The following PWWP2B variants were observed in gnomAD, a reference collection of about 807,000 sequenced individuals.
PWWP2B encodes PWWP domain containing 2B.
In PWWP2B, 9 loss-of-function variants were observed where a neutral mutation model predicts 15.5. The observed-to-expected ratio is 0.58, with a 90% CI of 0.35 to 1.02. The LOEUF (loss-of-function observed/expected upper bound fraction) is 1.02, where lower values mean the gene tolerates loss of function less well. Among genes scored for constraint, PWWP2B ranks in the 50% least tolerant of loss-of-function variants. PWWP2B has a pLI of 0.02. For missense variants in PWWP2B, 864 were observed against 865.3 expected (o/e 1.00, Z 0.02); for synonymous variants, 474 against 403.6 (o/e 1.17, Z -2.09).
At chr10:132,416,026 G>C (rs555499128) in intron 2 of PWWP2B, among the ~76,000 whole-genome samples, 16 of 152,232 alleles carry the variant, frequency 1.1e-4, no homozygotes, top group Non-Finnish European at 2.1e-4. Flanking sequence ...GTGCCGCTGG[G>C]CTTCCTCACG....
At chr10:132,406,388 G>A (rs549074822) in intron 2 of PWWP2B, 99 bp downstream of exon 2, 18 of 1,042,204 alleles carry the variant, frequency 1.7e-5, no homozygotes, top group South Asian at 3.4e-5. Flanking sequence ...CCAGGGAGCC[G>A]CCGCCTGTGC....
rs1224644735 is a variant in PWWP2B, at chr10:132,415,731, TCACACACATCCACA to T, written c.*17-1321_*17-1308del. Among the ~76,000 whole-genome samples, 64 of 146,614 alleles carry T rather than the reference TCACACACATCCACA, an allele frequency of 4.4e-4. 3 individuals carry two copies. In the East Asian group the frequency reaches 0.012, roughly 29 times the overall value. On this transcript the variant is annotated intron_variant, in intron 2 of 2. Coordinates refer to ENST00000305233, the MANE Select transcript of PWWP2B (RefSeq NM_138499.4). ...CACATCCACTCACACACACATCCACTCACACACATCCACACACACACAATGTTTGGCTAACTCAA... is the reference window on the plus strand; with the variant it reads ...CACATCCACTCACACACACATCCACTCACACACAATGTTTGGCTAACTCAA...
In PWWP2B at chr10:132,405,812, G is replaced by A; in HGVS notation, c.1312G>A (p.Gly438Arg). ...LDEARSSGSEGTPADTGDLSP... is the reference protein window; with the variant it reads ...LDEARSSGSERTPADTGDLSP... ...CGAGGCCAGATCGTCCGGCTCGGAA[G>A]GGACGCCGGCAGACACGGGTGACCT... The change falls in exon 2 of 3, where the codon GGG (glycine) becomes AGG (arginine). Residue 438 changes from glycine to arginine, a missense_variant. Physicochemically the swap from Gly to Arg is moderately radical, Grantham distance 125 (BLOSUM62 -2). Coordinates refer to ENST00000305233, the MANE Select transcript of PWWP2B (RefSeq NM_138499.4). 1 of 1,608,370 alleles carries A rather than the reference G, an allele frequency of 6.2e-7. No individual in the cohort carries two copies. Among genetic ancestry groups the A allele is most frequent in the Admixed American group, 1.7e-5 (1 of 59,994 alleles).
chr10:132,399,380 G>A (rs1357418503), intron 1 of PWWP2B, among the ~76,000 whole-genome samples: 5 of 152,260 alleles, frequency 3.3e-5, no homozygotes, highest in Admixed American at 2.6e-4. Context: ...CCTGTTCAGA[G>A]CAATCCCACG....
chr10:132,402,509 C>T (rs1047681391), intron 1 of PWWP2B, among the ~76,000 whole-genome samples: 7 of 152,254 alleles, frequency 4.6e-5, no homozygotes, highest in African/African-American at 1.4e-4. Flanking sequence ...CGTGCACCAG[C>T]GGGCGTGTGC....
intron 2 of PWWP2B, among the ~76,000 whole-genome samples, chr10:132,413,708 G>A (rs949250311): frequency 1.3e-5 from 2 of 152,220 alleles, no homozygotes; most frequent in African/African-American, 4.8e-5. Context: ...GCCCCACGCC[G>A]GCTTCTCCTC....
intron 1 of PWWP2B, among the ~76,000 whole-genome samples, chr10:132,401,203 A>G (rs548092210): frequency 1.3e-5 from 2 of 152,262 alleles, no homozygotes; most frequent in East Asian, 3.9e-4. Flanking sequence ...TGCCATTGGG[A>G]GTGGCACTGG....
At chr10:132,416,245 A>G (rs2069854186) in intron 2 of PWWP2B, among the ~76,000 whole-genome samples, 1 of 152,060 alleles carries the variant, frequency 6.6e-6, no homozygotes, top group Admixed American at 6.5e-5. Context: ...TCCTGACAGG[A>G]GGAGTGGCGG....
At chr10:132,406,335 C>T in intron 2 of PWWP2B, 46 bp downstream of exon 2, 1 of 1,486,082 alleles carries the variant, frequency 6.7e-7, no homozygotes, top group East Asian at 2.3e-5. Context: ...GGCCCAAGCT[C>T]ACACCTGTGT....
Position 132,404,928 on chromosome 10 carries a change from C to T in PWWP2B, c.428C>T (p.Pro143Leu), listed in dbSNP as rs546679322. Residue 143 changes from proline to leucine, a missense_variant, in exon 2 of 3, where the codon CCG becomes CTG. Physicochemically the swap from Pro to Leu is moderately conservative, Grantham distance 98 (BLOSUM62 -3). This residue lies in a region of PWWP2B where 736 missense variants were observed against 687.7 expected (regional missense o/e 1.07). Transcript: ENST00000305233. ...RDTYKLWVPQ[P>L]PPRTIKRTRR... ...ACGTACAAGCTGTGGGTGCCCCAGCCGCCGCCCAGGACCATCAAGCGCACG... is the reference window on the plus strand; with the variant it reads ...ACGTACAAGCTGTGGGTGCCCCAGCTGCCGCCCAGGACCATCAAGCGCACG... 6 of 1,595,248 alleles carry T rather than the reference C, an allele frequency of 3.8e-6. No homozygotes were observed. The highest frequency in any genetic ancestry group is 1.3e-5 in the African/African-American group (1 of 74,928).
At chr10:132,408,276 G>A (rs1205521967) in intron 2 of PWWP2B, among the ~76,000 whole-genome samples, 17 of 152,356 alleles carry the variant, frequency 1.1e-4, no homozygotes, top group Admixed American at 6.5e-4. Flanking sequence ...CTGGTGTCTC[G>A]TGGGGCCTGG....
In PWWP2B at chr10:132,404,688, A is replaced by G. The variant is rs2069658756; in HGVS notation, c.188A>G (p.Asn63Ser). 2 of 1,612,424 alleles carry G rather than the reference A, an allele frequency of 1.2e-6. No individual in the cohort carries two copies. Among genetic ancestry groups the G allele is most frequent in the Non-Finnish European group, 1.7e-6 (2 of 1,179,764 alleles). The part of the protein sequence containing the change: ...PLPQVDESPV[N>S]DSHGRAPEEG... ...CCCCAGGTCGATGAGTCCCCTGTCAACGACAGCCATGGCCGGGCTCCCGAG... is the reference window on the plus strand; with the variant it reads ...CCCCAGGTCGATGAGTCCCCTGTCAGCGACAGCCATGGCCGGGCTCCCGAG... The change falls in exon 2 of 3, where the codon AAC becomes AGC. Residue 63 changes from asparagine (N) to serine (S), a missense_variant. Physicochemically the swap from Asn to Ser is conservative, Grantham distance 46. This residue lies in a region of PWWP2B where 736 missense variants were observed against 687.7 expected (regional missense o/e 1.07). Transcript: ENST00000305233.
intron 2 of PWWP2B, 71 bp downstream of exon 2, chr10:132,406,360 T>C: frequency 7.6e-7 from 1 of 1,316,134 alleles, no homozygotes; most frequent in Non-Finnish European, 1.0e-6. Context: ...GCCATGCCTC[T>C]GCTCCGGGCC....
chr10:132,400,243 A>T (rs891163747), intron 1 of PWWP2B, among the ~76,000 whole-genome samples: 1 of 152,136 alleles, frequency 6.6e-6, no homozygotes, highest in Non-Finnish European at 1.5e-5. Flanking sequence ...ATTGAAGGCC[A>T]GGGCACCAGG....
At position 132,404,768 on chromosome 10, in the gene PWWP2B, G is replaced by A. The variant is rs560047950; in HGVS notation, c.268G>A (p.Gly90Arg). Residue 90 changes from glycine to arginine, a missense_variant, in exon 2 of 3, where the codon GGG becomes AGG. This residue lies in a region of PWWP2B where 736 missense variants were observed against 687.7 expected (regional missense o/e 1.07). Coordinates refer to ENST00000305233, the MANE Select transcript of PWWP2B (RefSeq NM_138499.4). ...LGSSSPPPAR[G>R]VQPPETTRPE... ...GTCCAGCTCCCCCCCTCCTGCCCGC[G>A]GGGTTCAGCCCCCCGAGACCACCCG... The A allele has an allele frequency of 1.3e-5, 21 of 1,569,522 alleles. No individual in the cohort carries two copies. Among genetic ancestry groups the A allele is most frequent in the African/African-American group, 6.8e-5 (5 of 73,868 alleles).
chr10:132,417,054 C>A lies in PWWP2B; in HGVS notation c.*17-7C>A. The A allele has an allele frequency of 6.2e-7, 1 of 1,613,356 alleles. No homozygotes were observed. The highest frequency in any genetic ancestry group is 8.5e-7 in the Non-Finnish European group (1 of 1,179,524). Reference sequence around the variant, plus strand: ...TAAATCTCTGCCCCTTTTTGCTTTCCCCCAAGGTCACCGACGATGAGGGCG... The same window carrying A: ...TAAATCTCTGCCCCTTTTTGCTTTCACCCAAGGTCACCGACGATGAGGGCG... On this transcript the variant is annotated splice_polypyrimidine_tract_variant and splice_region_variant and intron_variant, in intron 2 of 2. Transcript: ENST00000305233.
chr10:132,406,899 A>G (rs933124084), intron 2 of PWWP2B, among the ~76,000 whole-genome samples: 2 of 152,118 alleles, frequency 1.3e-5, no homozygotes, highest in African/African-American at 4.8e-5. Context: ...CGTCGTCAGC[A>G]GGCTGTGTGC....
At chr10:132,414,788 C>T (rs1009972408) in intron 2 of PWWP2B, among the ~76,000 whole-genome samples, 2 of 152,196 alleles carry the variant, frequency 1.3e-5, no homozygotes, top group Non-Finnish European at 2.9e-5. Context: ...TCTGCGGGGT[C>T]GGAGGAAGTC....
intron 2 of PWWP2B, among the ~76,000 whole-genome samples, chr10:132,415,583 TCACA>T (rs35554058): frequency 7.3e-5 from 10 of 137,900 alleles, no homozygotes; most frequent in African/African-American, 2.2e-4. Flanking sequence ...ACACATCCAC[TCACA>T]CACACCCACT....
Sources: gnomAD v4.1 joint callset for allele counts (sites outside exome capture counted in the v4.1 genomes callset) on GRCh38, gnomAD v4.1.1 for gene constraint, gnomAD v4.1.1 regional missense constraint, MANE v1.5 for transcripts, NCBI Gene and HGNC (gene_info 2026-07-23, HGNC 2026-07-21) for gene names.